Variants in DPP10 observed in about 807,000 individuals in gnomAD.
DPP10 encodes the protein dipeptidyl peptidase like 10.
In DPP10, 33 loss-of-function variants were observed where a neutral mutation model predicts 120.9. That is an observed-to-expected ratio of 0.27 (90% CI 0.21 to 0.37). The LOEUF (loss-of-function observed/expected upper bound fraction) is 0.37, where lower values mean the gene tolerates loss of function less well. Ranked by LOEUF, DPP10 falls within the 10% of genes least tolerant of loss-of-function variation. The pLI is 1.00. For missense variants in DPP10, 816 were observed against 942.8 expected, an observed-to-expected ratio of 0.87 and a Z score of 1.76; for synonymous variants, 337 against 326.1, an observed-to-expected ratio of 1.03 and a Z score of -0.36.
chr2:114,904,932 G>A (rs1693848856), intron 1 of DPP10, among the ~76,000 whole-genome samples: 1 of 152,148 alleles, frequency 6.6e-6, no homozygotes, highest in Admixed American at 6.5e-5. Context: ...AGAGGCAGGA[G>A]CTTAGGGATG....
intron 11 of DPP10, among the ~76,000 whole-genome samples, chr2:115,760,266 A>T (rs1679954547): frequency 6.6e-6 from 1 of 152,198 alleles, no homozygotes; most frequent in Non-Finnish European, 1.5e-5. Flanking sequence ...ACGCTCAACA[A>T]TATGAGCGAA....
chr2:115,826,238 G>C (rs568523317), intron 21 of DPP10, among the ~76,000 whole-genome samples: 71 of 152,310 alleles, frequency 4.7e-4, no homozygotes, highest in African/African-American at 1.5e-3. Flanking sequence ...TTGAGGCCTA[G>C]TGCAGTAGCT....
intron 3 of DPP10, among the ~76,000 whole-genome samples, chr2:115,369,791 T>C (rs1243284316): frequency 6.6e-6 from 1 of 152,080 alleles, no homozygotes; most frequent in African/African-American, 2.4e-5. Flanking sequence ...CAGAGTGCTT[T>C]CTGCTCGGTA....
chr2:115,582,011 G>C (rs1471639243), intron 5 of DPP10, among the ~76,000 whole-genome samples: 2 of 152,172 alleles, frequency 1.3e-5, no homozygotes, highest in Admixed American at 1.3e-4. Context: ...TTTTAGAGCA[G>C]GAGTGTAAGT....
intron 5 of DPP10, among the ~76,000 whole-genome samples, chr2:115,565,629 A>G (rs2080953589): frequency 6.6e-6 from 1 of 152,020 alleles, no homozygotes; most frequent in Non-Finnish European, 1.5e-5. Context: ...CATCTAGAAT[A>G]TTTCCATAAT....
At chr2:115,385,590 C>G (rs1242495181) in intron 3 of DPP10, among the ~76,000 whole-genome samples, 4 of 152,236 alleles carry the variant, frequency 2.6e-5, no homozygotes, top group South Asian at 4.1e-4. Flanking sequence ...CTCCTGACAT[C>G]AGGTAATCCT....
chr2:114,619,985 A>C (rs1693973864), intron 1 of DPP10, among the ~76,000 whole-genome samples: 1 of 151,916 alleles, frequency 6.6e-6, no homozygotes, highest in South Asian at 2.1e-4. Flanking sequence ...TAACAAACTG[A>C]CCCATTAGGG....
intron 1 of DPP10, among the ~76,000 whole-genome samples, chr2:114,829,376 T>G (rs904111908): frequency 3.7e-5 from 2 of 54,616 alleles, no homozygotes; most frequent in African/African-American, 1.1e-4. Context: ...GTTTTTGTCT[T>G]TTTTTTTTTT....
In DPP10 at chr2:115,830,096, G is replaced by A. The variant is rs987937651; in HGVS notation, c.1951-6061G>A. On this transcript the variant is annotated intron_variant, in intron 21 of 25. Transcript: ENST00000410059. ...CACAGCCGGGAGCAGTGGCTCATGCGTGTAATCCCAGCACTTTGGGAGGCC... is the reference window on the plus strand; with the variant it reads ...CACAGCCGGGAGCAGTGGCTCATGCATGTAATCCCAGCACTTTGGGAGGCC... 5.3e-5 allele frequency among the ~76,000 whole-genome samples: 8 copies of A among 152,048 alleles called. No individual in the cohort carries two copies. In the East Asian group the frequency reaches 7.7e-4, roughly 15 times the overall value.
chr2:115,382,629 C>T (rs1445755089), intron 3 of DPP10, among the ~76,000 whole-genome samples: 5 of 151,936 alleles, frequency 3.3e-5, no homozygotes, highest in Non-Finnish European at 5.9e-5. Context: ...TAGGTCTCTT[C>T]CTAGAAAATT....
chr2:114,831,022 ATTTTTTTTTTTTTTTTTTTTTT>A (rs70941010), intron 1 of DPP10, among the ~76,000 whole-genome samples: 20 of 45,978 alleles, frequency 4.3e-4, no homozygotes, highest in Admixed American at 1.5e-3. Flanking sequence ...CCATGCAAAG[ATTTTTTTTTTTTTTTTTTTTTT>A]TTTTTTTTTT....
chr2:115,094,039 G>A (rs1427250408), intron 1 of DPP10, among the ~76,000 whole-genome samples: 1 of 152,058 alleles, frequency 6.6e-6, no homozygotes, highest in East Asian at 1.9e-4. Context: ...TGAATGAGAG[G>A]AAGTTAAGGC....
chr2:115,646,891 G>C (rs1244376385), intron 5 of DPP10, among the ~76,000 whole-genome samples: 2 of 152,022 alleles, frequency 1.3e-5, no homozygotes, highest in Admixed American at 6.6e-5. Context: ...CTTTGCCCCT[G>C]TGTGCACACT....
At chr2:115,598,741 C>T (rs771939701) in intron 5 of DPP10, among the ~76,000 whole-genome samples, 7 of 149,054 alleles carry the variant, frequency 4.7e-5, no homozygotes, top group Admixed American at 1.3e-4. Context: ...ATTTTTAATG[C>T]GGTTTGTTTA....
chr2:115,035,712 C>T (rs1205610747), intron 1 of DPP10, among the ~76,000 whole-genome samples: 1 of 152,180 alleles, frequency 6.6e-6, no homozygotes, highest in African/African-American at 2.4e-5. Context: ...CATTCAGTGT[C>T]TCATTTTCCT....
chr2:115,475,803 C>T (rs2075040180), intron 3 of DPP10, among the ~76,000 whole-genome samples: 2 of 152,154 alleles, frequency 1.3e-5, no homozygotes, highest in African/African-American at 4.8e-5. Flanking sequence ...TATTTTGGAG[C>T]TTTAAGATTT....
chr2:115,106,823 C>A (rs533661860), intron 1 of DPP10, among the ~76,000 whole-genome samples: 1 of 152,208 alleles, frequency 6.6e-6, no homozygotes, highest in Admixed American at 6.5e-5. Flanking sequence ...CGCCTGTGAT[C>A]CCAGCACTTT....
intron 1 of DPP10, among the ~76,000 whole-genome samples, chr2:114,718,581 A>G (rs1701505944): frequency 6.6e-6 from 1 of 152,178 alleles, no homozygotes; most frequent in Non-Finnish European, 1.5e-5. Context: ...TTTTGGTCAC[A>G]GGTAACTTGG....
intron 1 of DPP10, among the ~76,000 whole-genome samples, chr2:115,082,846 A>T (rs1261006811): frequency 6.6e-6 from 1 of 152,214 alleles, no homozygotes; most frequent in Non-Finnish European, 1.5e-5. Context: ...TCGTGAGCTA[A>T]ATAACTGGTT....
Sources: gnomAD v4.1 joint callset for allele counts (sites outside exome capture counted in the v4.1 genomes callset) on GRCh38, gnomAD v4.1.1 for gene constraint, MANE v1.5 for transcripts, NCBI Gene and HGNC (gene_info 2026-07-23, HGNC 2026-07-21) for gene names.